Variants in CDH18 observed in about 807,000 individuals in gnomAD.
CDH18 encodes cadherin-18.
Under a neutral mutation model 67.9 loss-of-function variants are expected in CDH18, and 31 were observed. The ratio of observed to expected loss-of-function variants is 0.46; its 90% CI spans 0.34 to 0.62. The LOEUF is 0.62. Ranked by LOEUF, CDH18 falls within the 20% of genes least tolerant of loss-of-function variation. CDH18 has a pLI of 0.01. For missense variants in CDH18, 890 were observed against 975.5 expected, an observed-to-expected ratio of 0.91 and a Z score of 1.17; for synonymous variants, 362 against 347.2, an observed-to-expected ratio of 1.04 and a Z score of -0.48.
At chr5:20,544,603 C>A (rs1382584072) in intron 1 of CDH18, among the ~76,000 whole-genome samples, 1 of 152,058 alleles carries the variant, frequency 6.6e-6, no homozygotes, top group Non-Finnish European at 1.5e-5. Flanking sequence ...AAGTGCCACA[C>A]TTTTAAAACC....
At chr5:19,587,405 A>G (rs1288112188) in intron 7 of CDH18, among the ~76,000 whole-genome samples, 4 of 152,056 alleles carry the variant, frequency 2.6e-5, no homozygotes, top group African/African-American at 9.7e-5. Context: ...TTTTTCTTCT[A>G]GGATTTTTAT....
chr5:19,880,094 T>C (rs919267147), intron 2 of CDH18, among the ~76,000 whole-genome samples: 1 of 152,002 alleles, frequency 6.6e-6, no homozygotes, highest in Non-Finnish European at 1.5e-5. Flanking sequence ...ACCAGGCTTC[T>C]ATTTTGGGAA....
chr5:20,433,935 C>T (rs1368615417), intron 1 of CDH18, among the ~76,000 whole-genome samples: 4 of 151,990 alleles, frequency 2.6e-5, no homozygotes, highest in African/African-American at 4.8e-5. Context: ...GCGTCATAAA[C>T]GAGGAGTCTA....
chr5:19,598,617 A>G (rs772393853), intron 6 of CDH18, among the ~76,000 whole-genome samples: 2 of 152,170 alleles, frequency 1.3e-5, no homozygotes, highest in African/African-American at 2.4e-5. Context: ...AAGAAATGAA[A>G]AAACTAAATG....
intron 1 of CDH18, among the ~76,000 whole-genome samples, chr5:20,302,637 C>A (rs1182326213): frequency 6.6e-6 from 1 of 152,156 alleles, no homozygotes; most frequent in Non-Finnish European, 1.5e-5. Context: ...AAATTGCTCC[C>A]GGCCCCAAAC....
intron 5 of CDH18, among the ~76,000 whole-genome samples, chr5:19,670,984 G>T (rs1758667432): frequency 6.6e-6 from 1 of 151,976 alleles, no homozygotes; most frequent in Admixed American, 6.6e-5. Context: ...AGGAAATGAT[G>T]AGTATCTAGT....
chr5:20,339,777 G>A (rs1056360915), intron 1 of CDH18, among the ~76,000 whole-genome samples: 7 of 152,170 alleles, frequency 4.6e-5, no homozygotes, highest in African/African-American at 1.7e-4. Flanking sequence ...GGATAATGCT[G>A]ATATGTATAT....
chr5:19,720,143 G>A (rs974515638), intron 5 of CDH18, among the ~76,000 whole-genome samples: 4 of 152,048 alleles, frequency 2.6e-5, no homozygotes, highest in African/African-American at 9.7e-5. Context: ...TCTATACCAT[G>A]TTTTTAGTTG....
chr5:20,261,522 C>T (rs1032386893), intron 1 of CDH18, among the ~76,000 whole-genome samples: 1 of 152,014 alleles, frequency 6.6e-6, no homozygotes, highest in Non-Finnish European at 1.5e-5. Flanking sequence ...GGGCAGATCA[C>T]GAGGTCAGGA....
intron 1 of CDH18, among the ~76,000 whole-genome samples, chr5:20,490,939 G>A (rs1231500007): frequency 6.6e-6 from 1 of 151,738 alleles, no homozygotes; most frequent in Non-Finnish European, 1.5e-5. Flanking sequence ...AAATGATGGG[G>A]GTATCCTTAA....
chr5:19,581,877 A>C (rs1743308477), intron 7 of CDH18, among the ~76,000 whole-genome samples: 1 of 152,078 alleles, frequency 6.6e-6, no homozygotes, highest in East Asian at 1.9e-4. Context: ...TTGTATTATA[A>C]TATGCTTTGT....
rs529637500 is a variant in CDH18 at position 19,605,232 on chromosome 5, A to C, written c.811+7202T>G. ...ATATAATTTCAAAATATTCAATTCT[A>C]AAATCAGAAGAATGTAATACTATTA... On this transcript the variant is annotated intron_variant, in intron 6 of 12. Transcript: ENST00000382275. 1.3e-5 allele frequency among the ~76,000 whole-genome samples: 2 copies of C among 151,964 alleles called. 1 individual carries two copies. Among genetic ancestry groups the C allele is most frequent in the East Asian group, 3.9e-4 (2 of 5,174 alleles).
chr5:19,665,676 A>C (rs899513160), intron 5 of CDH18, among the ~76,000 whole-genome samples: 1 of 152,084 alleles, frequency 6.6e-6, no homozygotes, highest in Non-Finnish European at 1.5e-5. Flanking sequence ...TATTAACATA[A>C]AAAAGGGCAT....
At chr5:20,280,025 C>A (rs1052703111) in intron 1 of CDH18, among the ~76,000 whole-genome samples, 5 of 152,006 alleles carry the variant, frequency 3.3e-5, no homozygotes, top group Admixed American at 2.0e-4. Context: ...AAGTTATTAT[C>A]TGACTAAAAT....
intron 1 of CDH18, among the ~76,000 whole-genome samples, chr5:20,343,558 G>A (rs1740445725): frequency 6.6e-6 from 1 of 152,078 alleles, no homozygotes; most frequent in Non-Finnish European, 1.5e-5. Context: ...TCTCTTTACA[G>A]ATGGAAGTTC....
At chr5:20,508,773 T>A (rs1754819531) in intron 1 of CDH18, among the ~76,000 whole-genome samples, 1 of 152,022 alleles carries the variant, frequency 6.6e-6, no homozygotes, top group African/African-American at 2.4e-5. Context: ...AAATAAAATA[T>A]TTTGATAATT....
intron 1 of CDH18, among the ~76,000 whole-genome samples, chr5:20,355,542 G>A (rs1319872145): frequency 1.3e-5 from 2 of 152,182 alleles, no homozygotes; most frequent in African/African-American, 4.8e-5. Context: ...AGACCTCTTA[G>A]AGTCTGAGAC....
At chr5:20,219,546 G>C (rs1183350014) in intron 2 of CDH18, among the ~76,000 whole-genome samples, 1 of 146,846 alleles carries the variant, frequency 6.8e-6, no homozygotes, top group Admixed American at 6.8e-5. Context: ...AAACAAATCA[G>C]AACAATATTC....
At chr5:20,460,225 C>G (rs1246001513) in intron 1 of CDH18, among the ~76,000 whole-genome samples, 1 of 151,796 alleles carries the variant, frequency 6.6e-6, no homozygotes, top group African/African-American at 2.4e-5. Context: ...AAACCTGTCT[C>G]TACTAAGAAT....
Sources: allele counts gnomAD v4.1 joint callset (sites outside exome capture counted in the v4.1 genomes callset), GRCh38; gene constraint gnomAD v4.1.1; transcripts MANE v1.5; gene names NCBI Gene and HGNC (gene_info 2026-07-23, HGNC 2026-07-21).